SLC35F3: variants seen among roughly 807,000 people sequenced by gnomAD.
SLC35F3 encodes putative thiamine transporter SLC35F3.
In SLC35F3, 25 loss-of-function variants were observed where a neutral mutation model predicts 49.9. That is an observed-to-expected ratio of 0.50 (90% confidence interval 0.37 to 0.70). SLC35F3 has a LOEUF of 0.70. Among genes scored for constraint, SLC35F3 ranks in the 30% least tolerant of loss-of-function variants. The pLI is 0.00. For missense variants in SLC35F3, 525 were observed against 639.8 expected (o/e 0.82, Z 1.94); for synonymous variants, 275 against 265.4 (o/e 1.04, Z -0.35).
At chr1:234,300,971 G>A (rs578244636) in intron 3 of SLC35F3, among the ~76,000 whole-genome samples, 18 of 152,304 alleles carry the variant, frequency 1.2e-4, no homozygotes, top group East Asian at 1.2e-3. Flanking sequence ...ATGTGAAGAC[G>A]AAAAAGGAGA....
At chr1:234,287,174 G>A (rs560157875) in intron 3 of SLC35F3, among the ~76,000 whole-genome samples, 84 of 152,134 alleles carry the variant, frequency 5.5e-4, no homozygotes, top group African/African-American at 1.8e-3. Flanking sequence ...ACTCCAGCCT[G>A]GGCAACAGAG....
intron 3 of SLC35F3, among the ~76,000 whole-genome samples, chr1:234,278,506 C>G (rs951654506): frequency 1.6e-4 from 23 of 146,028 alleles, no homozygotes; most frequent in Admixed American, 1.6e-3. Flanking sequence ...AAAAAAAAAA[C>G]GAAAAAAAAA....
intron 2 of SLC35F3, among the ~76,000 whole-genome samples, chr1:234,095,681 C>A (rs1034495361): frequency 6.6e-6 from 1 of 152,186 alleles, no homozygotes; most frequent in Non-Finnish European, 1.5e-5. Context: ...TCATCATTGA[C>A]TCGGGCATCC....
At chr1:234,147,889 G>A (rs2102906991) in intron 2 of SLC35F3, among the ~76,000 whole-genome samples, 1 of 152,310 alleles carries the variant, frequency 6.6e-6, no homozygotes, top group South Asian at 2.1e-4. Flanking sequence ...CCTGGTGATT[G>A]GCATCTCTAA....
At chr1:234,268,328 G>A (rs1487101812) in intron 3 of SLC35F3, among the ~76,000 whole-genome samples, 6 of 133,128 alleles carry the variant, frequency 4.5e-5, no homozygotes, top group East Asian at 2.5e-4. Context: ...GGCGGCGCGC[G>A]CCTGCAATCG....
At chr1:234,012,678 G>A (rs1375695470) in intron 2 of SLC35F3, among the ~76,000 whole-genome samples, 1 of 152,230 alleles carries the variant, frequency 6.6e-6, no homozygotes, top group Non-Finnish European at 1.5e-5. Flanking sequence ...CAAAGTTGGA[G>A]CAAAGTGGCT....
At chr1:233,963,179 G>A (rs185460888) in intron 2 of SLC35F3, among the ~76,000 whole-genome samples, 22 of 152,198 alleles carry the variant, frequency 1.4e-4, no homozygotes, top group African/African-American at 5.1e-4. Flanking sequence ...ATAGGTCACT[G>A]TCAATGTTGG....
intron 2 of SLC35F3, among the ~76,000 whole-genome samples, chr1:233,969,362 A>T (rs1216136546): frequency 1.3e-5 from 2 of 152,118 alleles, no homozygotes; most frequent in African/African-American, 4.8e-5. Flanking sequence ...ACATGGTGTG[A>T]TCATCAGGAG....
At chr1:234,068,353 G>A (rs1572039365) in intron 2 of SLC35F3, among the ~76,000 whole-genome samples, 1 of 152,146 alleles carries the variant, frequency 6.6e-6, no homozygotes, top group East Asian at 1.9e-4. Flanking sequence ...TTCAACAACT[G>A]CTGTCAGCCA....
intron 3 of SLC35F3, among the ~76,000 whole-genome samples, chr1:234,294,239 A>G (rs963039729): frequency 2.0e-5 from 3 of 152,312 alleles, no homozygotes; most frequent in Middle Eastern, 3.4e-3. Context: ...CCTTAGGCTC[A>G]GCACTCCACA....
At chr1:233,939,903 G>T (rs944242997) in intron 2 of SLC35F3, among the ~76,000 whole-genome samples, 14 of 152,166 alleles carry the variant, frequency 9.2e-5, no homozygotes, top group Admixed American at 7.9e-4. Flanking sequence ...GGTCACAGTA[G>T]GTCCTTTATT....
At chr1:234,133,679 A>G (rs12060403) in intron 2 of SLC35F3, among the ~76,000 whole-genome samples, 9,784 of 152,314 alleles carry the variant, frequency 0.064, 499 homozygotes, top group African/African-American at 0.13. Context: ...CATTTTAACT[A>G]TGGGCAATTT....
intron 2 of SLC35F3, among the ~76,000 whole-genome samples, chr1:234,038,259 C>G (rs1385318118): frequency 6.6e-6 from 1 of 151,266 alleles, no homozygotes; most frequent in African/African-American, 2.4e-5. Context: ...TGATGATTTC[C>G]AATTTCATCC....
intron 2 of SLC35F3, among the ~76,000 whole-genome samples, chr1:234,007,782 TA>T (rs1663652500): frequency 6.6e-6 from 1 of 152,124 alleles, no homozygotes; most frequent in Non-Finnish European, 1.5e-5. Flanking sequence ...AAGATAATCA[TA>T]AAAATAAAAG....
At chr1:233,916,337 C>T (rs1049140679) in intron 2 of SLC35F3, among the ~76,000 whole-genome samples, 8 of 152,146 alleles carry the variant, frequency 5.3e-5, no homozygotes, top group African/African-American at 1.4e-4. Context: ...GCACAATCAT[C>T]GCTCACTGCA....
At chr1:234,272,493 T>C (rs1668123509) in intron 3 of SLC35F3, 1 of 152,068 alleles carries the variant, frequency 6.6e-6, no homozygotes, top group African/African-American at 2.4e-5. Flanking sequence ...TGGACTGGGA[T>C]TGTGGGGTGA....
At position 234,320,296 on chromosome 1, in the gene SLC35F3, A is replaced by C. The variant is rs1032381131; in HGVS notation, c.1237+109A>C. ...TACATACACACTCACACATACACTCACATACACACACTCATGCATACACAC... is the reference window on the plus strand; with the variant it reads ...TACATACACACTCACACATACACTCCCATACACACACTCATGCATACACAC... On this transcript the variant is annotated intron_variant, in intron 7 of 7. Coordinates refer to ENST00000366618, the MANE Select transcript of SLC35F3 (RefSeq NM_173508.4). This position sits in a 1 kb window ranked among gnomAD's most constrained non-coding sequence, Gnocchi z 4.8. The C allele has an allele frequency of 6.7e-6, 5 of 748,084 alleles. No individual in the cohort carries two copies. The highest frequency in any genetic ancestry group is 1.2e-5 in the Non-Finnish European group (5 of 417,292). The allele number at this position is 748,084 out of a possible 1,614,324, so 46.3% of individuals were successfully genotyped here. A position where few individuals can be genotyped will look rare whatever the true frequency, so the allele number is the denominator to read the frequency against.
intron 4 of SLC35F3, among the ~76,000 whole-genome samples, chr1:234,313,367 C>T (rs2102995897): frequency 6.6e-6 from 1 of 152,264 alleles, no homozygotes; most frequent in South Asian, 2.1e-4. Flanking sequence ...TGACTCAGGC[C>T]TGGGTGCGTG....
chr1:234,117,822 C>T (rs1473891821), intron 2 of SLC35F3, among the ~76,000 whole-genome samples: 2 of 139,862 alleles, frequency 1.4e-5, no homozygotes, highest in Non-Finnish European at 3.1e-5. Context: ...GCAGGCGGAG[C>T]TTGCAGTGAG....
Sources: gnomAD v4.1 joint callset for allele counts (sites outside exome capture counted in the v4.1 genomes callset) on GRCh38, gnomAD v4.1.1 for gene constraint, Gnocchi (gnomAD v3.1) non-coding constraint, MANE v1.5 for transcripts, NCBI Gene and HGNC (gene_info 2026-07-23, HGNC 2026-07-21) for gene names.